Variants in TRPM4 observed in about 807,000 individuals in gnomAD.
The protein encoded by TRPM4 is transient receptor potential cation channel subfamily M member 4.
In TRPM4, 124 loss-of-function variants were observed where a neutral mutation model predicts 135.6. That is an observed-to-expected ratio of 0.91 (90% CI 0.79 to 1.06). TRPM4 has a LOEUF of 1.06. Among genes scored for constraint, TRPM4 ranks in the 50% least tolerant of loss-of-function variants. TRPM4 has a pLI of 0.00. For missense variants in TRPM4, 1,658 were observed against 1,671.4 expected, an observed-to-expected ratio of 0.99 and a Z score of 0.14; for synonymous variants, 745 against 705.6, an observed-to-expected ratio of 1.06 and a Z score of -0.88.
intron 19 of TRPM4, 38 bp from the exon 20 acceptor site, chr19:49,201,926 G>A: frequency 6.2e-7 from 1 of 1,609,480 alleles, no homozygotes; most frequent in South Asian, 1.1e-5. Context: ...TTAGGTCTCT[G>A]TCCCCCTCAC....
intron 20 of TRPM4, among the ~76,000 whole-genome samples, chr19:49,203,047 C>T (rs778737424): frequency 3.9e-5 from 6 of 151,980 alleles, no homozygotes; most frequent in East Asian, 1.9e-4. Context: ...CCCGCCACCA[C>T]GCCCAGCTAA....
At chr19:49,196,373 T>C (rs1700317563) in intron 16 of TRPM4, 67 bp from the exon 17 acceptor site, 6 of 1,406,274 alleles carry the variant, frequency 4.3e-6, no homozygotes, top group Non-Finnish European at 5.7e-6. Flanking sequence ...AAAGTCTCGA[T>C]GATGGTGGAG....
At chr19:49,202,804 A>G (rs1255161024) in intron 20 of TRPM4, among the ~76,000 whole-genome samples, 1 of 151,920 alleles carries the variant, frequency 6.6e-6, no homozygotes, top group Non-Finnish European at 1.5e-5. Flanking sequence ...TGTTGGGATT[A>G]CAGGTGTGAG....
rs539197454 is a variant in TRPM4, at chr19:49,210,383, C to T, written c.3306C>T (p.Ser1102=). The T allele has an allele frequency of 6.2e-7, 1 of 1,613,914 alleles. No homozygotes were observed. Among genetic ancestry groups the T allele is most frequent in the Admixed American group, 1.7e-5 (1 of 60,032 alleles). The change falls in exon 21 of 25, where the codon TCC becomes TCT. Residue 1102 remains serine (S), a synonymous_variant. Transcript: ENST00000252826. The surrounding 1 kb of genome is among the most constrained non-coding windows in gnomAD (Gnocchi z 4.1). ...LCRRPRSPQP[S]SPALEHFRVY... Reference sequence around the variant, plus strand: ...GGCGACCCCGGAGCCCCCAGCCGTCCTCCCCGGCCCTCGAGCATTTCCGTA... The same window carrying T: ...GGCGACCCCGGAGCCCCCAGCCGTCTTCCCCGGCCCTCGAGCATTTCCGTA...
chr19:49,209,096 A>G (rs1969256323), intron 20 of TRPM4, among the ~76,000 whole-genome samples: 1 of 152,086 alleles, frequency 6.6e-6, no homozygotes, highest in African/African-American at 2.4e-5. Flanking sequence ...ATGTTTAACT[A>G]CCCTTACTTT....
chr19:49,188,877 TA>T lies in TRPM4; in HGVS notation c.1874-68del, dbSNP rs1968301519. ...CCTGCGCCATCCCCTTAAATTCCCT[TA>T]CCTCTCCCTTCACACCCTCACCCTA... On this transcript the variant is annotated intron_variant, in intron 13 of 24. Transcript: ENST00000252826. 3 of 1,613,088 alleles carry T rather than the reference TA, an allele frequency of 1.9e-6. No homozygotes were observed. The African/African-American group carries it at 4.0e-5, about 22-fold the overall frequency.
At chr19:49,179,937 G>T (rs1967852687) in intron 9 of TRPM4, among the ~76,000 whole-genome samples, 1 of 152,144 alleles carries the variant, frequency 6.6e-6, no homozygotes, top group South Asian at 2.1e-4. Flanking sequence ...TATGAAGGGG[G>T]TGCCACTATT....
chr19:49,187,195 G>GT (rs574534855), intron 12 of TRPM4, among the ~76,000 whole-genome samples: 19,959 of 141,830 alleles, frequency 0.14, 2,368 homozygotes, highest in African/African-American at 0.33. Context: ...GCATTTTCTT[G>GT]TTTTTTTTTT....
At chr19:49,181,489 C>A in intron 10 of TRPM4, 28 bp downstream of exon 10, 1 of 1,469,752 alleles carries the variant, frequency 6.8e-7, no homozygotes, top group African/African-American at 1.4e-5. Context: ...GGGGGTTGGG[C>A]ATACTGACAA....
Position 49,166,190 on chromosome 19 carries a change from C to T in TRPM4, c.242C>T (p.Thr81Met), listed in dbSNP as rs1400210713. 2 of 1,607,484 alleles carry T rather than the reference C, an allele frequency of 1.2e-6. No individual in the cohort carries two copies. The highest frequency in any genetic ancestry group is 1.3e-5 in the African/African-American group (1 of 74,982). Residue 81 changes from threonine to methionine, a missense_variant, in exon 3 of 25, where the codon ACG becomes ATG. Coordinates refer to ENST00000252826, the MANE Select transcript of TRPM4 (RefSeq NM_017636.4). ...GATGCCTACGGAGAGCTGGACTTCACGGGGGCCGGCCGCAAGCACAGCAAT... is the reference window on the plus strand; with the variant it reads ...GATGCCTACGGAGAGCTGGACTTCATGGGGGCCGGCCGCAAGCACAGCAAT... ...PTDAYGELDF[T>M]GAGRKHSNFL...
intron 14 of TRPM4, among the ~76,000 whole-genome samples, chr19:49,189,588 C>T (rs1201535250): frequency 6.6e-6 from 1 of 151,664 alleles, no homozygotes; most frequent in Non-Finnish European, 1.5e-5. Context: ...GGAAATCTCA[C>T]CCTTCCTATA....
In TRPM4 at chr19:49,171,779, T is replaced by G. The variant is rs760369409; in HGVS notation, c.1050+10T>G. The G allele has an allele frequency of 6.2e-7, 1 of 1,605,568 alleles. No individual in the cohort carries two copies. The highest frequency in any genetic ancestry group is 1.1e-5 in the South Asian group (1 of 90,912). On this transcript the variant is annotated intron_variant, in intron 8 of 24. Transcript: ENST00000252826. The surrounding 1 kb of genome is among the most constrained non-coding windows in gnomAD (Gnocchi z 4.7). ...GGTCCTGCAGGCCCAGGTATGACAC[T>G]GGGGGCCCAACTCTGGATCCTGAGA...
rs768670362 is a variant in TRPM4 at position 49,200,457 on chromosome 19, G to T, written c.2778+25G>T. On this transcript the variant is annotated intron_variant, in intron 18 of 24. Transcript: ENST00000252826. ...GGTGAGGCAGGGGCGGGGCCAAAGT[G>T]GGCGGGGACATAGGGAAAGGGGTGG... 1.7e-5 allele frequency: 28 copies of T among 1,610,700 alleles called. No homozygotes were observed. The East Asian group carries it at 5.4e-4, about 31-fold the overall frequency.
At chr19:49,203,468 C>T (rs550060430) in intron 20 of TRPM4, among the ~76,000 whole-genome samples, 4 of 152,314 alleles carry the variant, frequency 2.6e-5, no homozygotes, top group South Asian at 2.1e-4. Flanking sequence ...CATGAGCCAC[C>T]GCGGCCGGAG....
intron 12 of TRPM4, among the ~76,000 whole-genome samples, chr19:49,188,292 C>T (rs1968271005): frequency 6.6e-6 from 1 of 152,070 alleles, no homozygotes; most frequent in African/African-American, 2.4e-5. Flanking sequence ...TCTCAGTTAT[C>T]ATTTTTGCAA....
At position 49,157,846 on chromosome 19, in the gene TRPM4, G is replaced by T; in HGVS notation, c.-21G>T. The T allele has an allele frequency of 6.5e-7, 1 of 1,534,588 alleles. No individual in the cohort carries two copies. The highest frequency in any genetic ancestry group is 8.7e-7 in the Non-Finnish European group (1 of 1,146,238). ...AGCGCCGGGGCCCTGGGCTGCAGGAGGTTGCGGCGGCCGCGGCAGCATGGT... is the reference window on the plus strand; with the variant it reads ...AGCGCCGGGGCCCTGGGCTGCAGGATGTTGCGGCGGCCGCGGCAGCATGGT... On this transcript the variant is annotated 5_prime_UTR_variant, in exon 1 of 25. It adds an upstream start codon to the 5' untranslated region. Transcript: ENST00000252826.
intron 9 of TRPM4, 113 bp downstream of exon 9, chr19:49,172,221 C>T: frequency 1.2e-6 from 1 of 851,858 alleles, no homozygotes; most frequent in Non-Finnish European, 2.0e-6. Context: ...CCCCTTTACC[C>T]CTCTTAATAT....
chr19:49,178,757 T>TTA (rs1967797637), intron 9 of TRPM4, among the ~76,000 whole-genome samples: 1 of 150,030 alleles, frequency 6.7e-6, no homozygotes, highest in African/African-American at 2.5e-5. Context: ...TATTATTATT[T>TTA]TTATTTTTTT....
At chr19:49,159,749 C>G (rs1966894895) in intron 2 of TRPM4, 1 of 152,188 alleles carries the variant, frequency 6.6e-6, no homozygotes, top group African/African-American at 2.4e-5. Flanking sequence ...TTCCAAAGTA[C>G]TGGGATTACA....
Sources: gnomAD v4.1 joint callset for allele counts (sites outside exome capture counted in the v4.1 genomes callset) on GRCh38, gnomAD v4.1.1 for gene constraint, Gnocchi (gnomAD v3.1) non-coding constraint, MANE v1.5 for transcripts, NCBI Gene and HGNC (gene_info 2026-07-23, HGNC 2026-07-21) for gene names.